Variants in PTN observed in about 807,000 individuals in gnomAD.
PTN encodes heparin affin regulatory protein.
A neutral mutation model predicts 24.1 loss-of-function variants in PTN; 18 were observed. The observed-to-expected ratio is 0.75, with a 90% CI of 0.52 to 1.11. The LOEUF (loss-of-function observed/expected upper bound fraction) is 1.11. Among genes scored for constraint, PTN ranks in the 50% least tolerant of loss-of-function variants. The probability of loss-of-function intolerance (pLI) is 0.00; values close to 1 mark genes in which losing one functional copy is unlikely to be tolerated. For missense variants in PTN, 163 were observed against 198.8 expected, an observed-to-expected ratio of 0.82 and a Z score of 1.08; for synonymous variants, 78 against 68.6, an observed-to-expected ratio of 1.14 and a Z score of -0.67.
chr7:137,265,317 G>T (rs1809121452), intron 1 of PTN, among the ~76,000 whole-genome samples: 1 of 152,140 alleles, frequency 6.6e-6, no homozygotes, highest in African/African-American at 2.4e-5. Context: ...ATGCCAGGGT[G>T]AAAGGGATAG....
chr7:137,263,233 T>C (rs1329831347), intron 1 of PTN, among the ~76,000 whole-genome samples: 1 of 152,214 alleles, frequency 6.6e-6, no homozygotes, highest in Non-Finnish European at 1.5e-5. Flanking sequence ...ATAAGAGTTT[T>C]AAATTTTCTT....
intron 1 of PTN, among the ~76,000 whole-genome samples, chr7:137,328,137 C>T (rs1231527998): frequency 6.6e-6 from 1 of 152,164 alleles, no homozygotes; most frequent in African/African-American, 2.4e-5. Flanking sequence ...TTCTTCCATG[C>T]TGCCAGATTA....
rs369826234 is a variant in PTN at position 137,332,585 on chromosome 7, C to T, written c.-2+10854G>A. 1.4e-4 allele frequency among the ~76,000 whole-genome samples: 22 copies of T among 152,148 alleles called. 1 individual carries two copies. The South Asian group carries it at 3.3e-3, about 23-fold the overall frequency. On this transcript the variant is annotated intron_variant, in intron 1 of 4. Transcript: ENST00000348225. ...TGTTTCAAGATTTAAGCATAGACAC[C>T]GGTTAAAAATAATCTAATAACCTAC...
chr7:137,261,989 T>G (rs1187480105), intron 1 of PTN, among the ~76,000 whole-genome samples: 3 of 151,748 alleles, frequency 2.0e-5, no homozygotes, highest in African/African-American at 7.3e-5. Flanking sequence ...AATAATATCT[T>G]TAGGTTCTAT....
At chr7:137,324,193 A>G (rs182909447) in intron 1 of PTN, among the ~76,000 whole-genome samples, 184 of 151,910 alleles carry the variant, frequency 1.2e-3, no homozygotes, top group Non-Finnish European at 2.2e-3. Flanking sequence ...ATGGCTCTCA[A>G]ACTTTAGTGT....
chr7:137,320,174 T>A (rs925072793), intron 1 of PTN, among the ~76,000 whole-genome samples: 7 of 152,204 alleles, frequency 4.6e-5, no homozygotes, highest in African/African-American at 1.7e-4. Context: ...CATGGGAGAA[T>A]AAAACAGTCT....
At chr7:137,296,081 C>A (rs1809714165) in intron 1 of PTN, among the ~76,000 whole-genome samples, 1 of 152,012 alleles carries the variant, frequency 6.6e-6, no homozygotes, top group Non-Finnish European at 1.5e-5. Context: ...TTCTTTCTCA[C>A]TTACTTAATG....
At chr7:137,341,413 C>T (rs1050469665) in intron 1 of PTN, among the ~76,000 whole-genome samples, 4 of 151,708 alleles carry the variant, frequency 2.6e-5, no homozygotes, top group Non-Finnish European at 5.9e-5. Flanking sequence ...TAAATTAATA[C>T]GTTTATTAAA....
intron 1 of PTN, among the ~76,000 whole-genome samples, chr7:137,315,508 A>C (rs889181785): frequency 6.6e-6 from 1 of 152,228 alleles, no homozygotes; most frequent in Admixed American, 6.5e-5. Flanking sequence ...TTGCAGAATT[A>C]CAAATTAAGT....
chr7:137,330,328 AGAGGAG>A (rs1029017320), intron 1 of PTN, among the ~76,000 whole-genome samples: 1 of 151,954 alleles, frequency 6.6e-6, no homozygotes, highest in Non-Finnish European at 1.5e-5. Flanking sequence ...AGAAGGAGGA[AGAGGAG>A]GAGGAGGAGA....
At chr7:137,329,148 G>T (rs998215051) in intron 1 of PTN, among the ~76,000 whole-genome samples, 2 of 152,146 alleles carry the variant, frequency 1.3e-5, no homozygotes, top group Non-Finnish European at 2.9e-5. Flanking sequence ...GGGCTGTTGG[G>T]AGCATTTAAC....
chr7:137,305,233 G>A (rs1162679154), intron 1 of PTN, among the ~76,000 whole-genome samples: 1 of 152,022 alleles, frequency 6.6e-6, no homozygotes, highest in Non-Finnish European at 1.5e-5. Flanking sequence ...CATTCACCAT[G>A]TTCCTCCTCC....
intron 1 of PTN, among the ~76,000 whole-genome samples, chr7:137,274,535 C>T (rs940645973): frequency 2.6e-5 from 4 of 152,030 alleles, no homozygotes; most frequent in African/African-American, 7.3e-5. Context: ...CCGACAGGCC[C>T]TGGTGTGTGA....
chr7:137,234,861 T>A (rs1411644847), intron 4 of PTN, among the ~76,000 whole-genome samples: 1 of 152,090 alleles, frequency 6.6e-6, no homozygotes, highest in Non-Finnish European at 1.5e-5. Context: ...AGATTTTAAC[T>A]AAAGTGACTC....
At chr7:137,272,733 G>A (rs1809295602) in intron 1 of PTN, among the ~76,000 whole-genome samples, 1 of 152,100 alleles carries the variant, frequency 6.6e-6, no homozygotes, top group Non-Finnish European at 1.5e-5. Context: ...AACGAAACTA[G>A]AAATAAAATA....
chr7:137,312,260 T>C (rs866643992), intron 1 of PTN, among the ~76,000 whole-genome samples: 2 of 151,598 alleles, frequency 1.3e-5, no homozygotes, highest in Non-Finnish European at 2.9e-5. Flanking sequence ...AATTAGACTG[T>C]GCAGCAATGA....
chr7:137,234,783 C>T (rs1808490715), intron 4 of PTN, among the ~76,000 whole-genome samples: 1 of 151,932 alleles, frequency 6.6e-6, no homozygotes, highest in African/African-American at 2.4e-5. Flanking sequence ...TTCAGATGGC[C>T]TGCTGTGTAT....
At chr7:137,273,592 A>G (rs322243) in intron 1 of PTN, among the ~76,000 whole-genome samples, 135,057 of 152,130 alleles carry the variant, frequency 0.89, 60,016 homozygotes, top group East Asian at 1. Context: ...AAGCAAATGA[A>G]TGGAGGTGGC....
At chr7:137,259,620 T>TA (rs146958428) in intron 1 of PTN, among the ~76,000 whole-genome samples, 3,802 of 151,006 alleles carry the variant, frequency 0.025, 148 homozygotes, top group African/African-American at 0.086. Context: ...CTTTTTTTAT[T>TA]AAAAAAATAA....
Sources: allele counts gnomAD v4.1 joint callset (sites outside exome capture counted in the v4.1 genomes callset), GRCh38; gene constraint gnomAD v4.1.1; transcripts MANE v1.5; gene names NCBI Gene and HGNC (gene_info 2026-07-23, HGNC 2026-07-21).